SH3YL1: variants seen among roughly 807,000 people sequenced by gnomAD.
SH3YL1 encodes SH3 domain-containing YSC84-like protein 1.
SH3YL1 carries 41 observed loss-of-function variants against 45.8 expected under a neutral mutation model. That is an observed-to-expected ratio of 0.89 (90% CI 0.70 to 1.16). The LOEUF (loss-of-function observed/expected upper bound fraction) is 1.16. SH3YL1 is among the 50% of genes most tolerant of loss of function. The probability of loss-of-function intolerance (pLI) is 0.00; values close to 1 mark genes in which losing one functional copy is unlikely to be tolerated. For missense variants in SH3YL1, 389 were observed against 409.6 expected (o/e 0.95, Z 0.43); for synonymous variants, 152 against 151.4 (o/e 1.00, Z -0.03).
intron 9 of SH3YL1, among the ~76,000 whole-genome samples, chr2:219,557 C>T (rs1443965512): frequency 6.6e-6 from 1 of 152,116 alleles, no homozygotes; most frequent in Admixed American, 6.5e-5. Flanking sequence ...TGGAATCCAG[C>T]CTCCAGAAGC....
At chr2:255,735 A>G (rs1352023569) in intron 1 of SH3YL1, 1 of 152,246 alleles carries the variant, frequency 6.6e-6, no homozygotes, top group Non-Finnish European at 1.5e-5. Flanking sequence ...CCAGGAAAAA[A>G]ATCCATCCCA....
intron 4 of SH3YL1, among the ~76,000 whole-genome samples, chr2:246,064 G>A (rs749890382): frequency 2.0e-5 from 3 of 151,686 alleles, no homozygotes; most frequent in Admixed American, 1.3e-4. Flanking sequence ...GTGTGGTGGT[G>A]CACGCCTGTA....
chr2:254,353 T>TA (rs1669213938), intron 1 of SH3YL1, among the ~76,000 whole-genome samples: 1 of 152,180 alleles, frequency 6.6e-6, no homozygotes, highest in Admixed American at 6.5e-5. Context: ...ATCGAGAAGA[T>TA]AGACTATTCT....
At chr2:263,899 G>C in intron 1 of SH3YL1, 85 bp downstream of exon 1, 2 of 1,213,048 alleles carry the variant, frequency 1.6e-6, no homozygotes, top group Non-Finnish European at 2.4e-6. Flanking sequence ...AGGCATCGCC[G>C]GTTTTCCCGT....
chr2:260,924 G>T (rs1300004593), intron 1 of SH3YL1: 1 of 151,878 alleles, frequency 6.6e-6, no homozygotes, highest in Non-Finnish European at 1.5e-5. Context: ...AGAGCCATTG[G>T]ACTTGGGAAT....
chr2:254,583 A>G (rs1487872876), intron 1 of SH3YL1, among the ~76,000 whole-genome samples: 2 of 152,188 alleles, frequency 1.3e-5, no homozygotes, highest in African/African-American at 4.8e-5. Context: ...CGCTAATGGA[A>G]GCTTGCTTTT....
chr2:244,673 G>A (rs1319556124), intron 4 of SH3YL1: 1 of 152,118 alleles, frequency 6.6e-6, no homozygotes, highest in East Asian at 1.9e-4. Flanking sequence ...AACCCTGTGT[G>A]GTTACAGGTC....
chr2:229,585 C>A (rs986344163), intron 8 of SH3YL1, among the ~76,000 whole-genome samples: 1 of 151,252 alleles, frequency 6.6e-6, no homozygotes, highest in South Asian at 2.1e-4. Flanking sequence ...AAAAATTAGC[C>A]GGGCGTAGTG....
At chr2:226,682 C>G (rs991954430) in intron 8 of SH3YL1, among the ~76,000 whole-genome samples, 2 of 151,090 alleles carry the variant, frequency 1.3e-5, no homozygotes, top group African/African-American at 4.9e-5. Context: ...TGAAAATGGA[C>G]AGTGGGGAAT....
At chr2:227,837 A>G (rs1310117526) in intron 8 of SH3YL1, among the ~76,000 whole-genome samples, 7 of 152,096 alleles carry the variant, frequency 4.6e-5, no homozygotes, top group African/African-American at 1.7e-4. Flanking sequence ...AAGAAAAAAA[A>G]TACTGCCTTC....
At chr2:229,289 T>C (rs903549677) in intron 8 of SH3YL1, among the ~76,000 whole-genome samples, 1 of 152,212 alleles carries the variant, frequency 6.6e-6, no homozygotes, top group African/African-American at 2.4e-5. Context: ...AAAACTGATA[T>C]TCAGAATTAT....
chr2:257,465 A>G (rs1053729952), intron 1 of SH3YL1, among the ~76,000 whole-genome samples: 1 of 152,218 alleles, frequency 6.6e-6, no homozygotes, highest in African/African-American at 2.4e-5. Flanking sequence ...TAATATGTAG[A>G]CAAGATTGAG....
rs73146251 is a variant in SH3YL1, at chr2:242,860, T to A, written c.291+4678A>T. On this transcript the variant is annotated intron_variant, in intron 4 of 9. Transcript: ENST00000356150. ...CATGCAGATGGCAACCTAAGAAAGCTGGAGTGGCACTCTTTATATCAAACA... is the reference window on the plus strand; with the variant it reads ...CATGCAGATGGCAACCTAAGAAAGCAGGAGTGGCACTCTTTATATCAAACA... 634 of 1,511,348 alleles carry A rather than the reference T, an allele frequency of 4.2e-4. 2 individuals carry two copies. In the African/African-American group the frequency reaches 8.1e-3, roughly 19 times the overall value. 93.6% of individuals were successfully genotyped at this position (1,511,348 alleles called of 1,614,324 possible).
chr2:246,366 T>G (rs1303041895), intron 4 of SH3YL1, among the ~76,000 whole-genome samples: 5 of 152,304 alleles, frequency 3.3e-5, no homozygotes, highest in African/African-American at 1.2e-4. Flanking sequence ...AGAATTACCA[T>G]GGAAACTCTC....
intron 4 of SH3YL1, chr2:243,566 T>TA: frequency 6.8e-7 from 1 of 1,467,370 alleles, no homozygotes; most frequent in Admixed American, 2.4e-5. Flanking sequence ...AATGTGTCTA[T>TA]TAAAAAAAAA....
chr2:232,248 T>C (rs925974523), intron 6 of SH3YL1, among the ~76,000 whole-genome samples: 3 of 152,144 alleles, frequency 2.0e-5, no homozygotes, highest in African/African-American at 7.2e-5. Flanking sequence ...CTTTTTTTTT[T>C]TTTAAATCAA....
chr2:264,365 C>A (rs1322201304), upstream of SH3YL1: 6 of 235,054 alleles, frequency 2.6e-5, no homozygotes, highest in Non-Finnish European at 2.5e-5. Context: ...CCCCTCTATG[C>A]GAACTCGAAC....
intron 8 of SH3YL1, among the ~76,000 whole-genome samples, chr2:227,399 A>G (rs1399999401): frequency 1.3e-5 from 2 of 152,190 alleles, no homozygotes; most frequent in Non-Finnish European, 2.9e-5. Flanking sequence ...TGGCATGGAA[A>G]AAAATCTGAA....
chr2:233,093 G>A lies in SH3YL1; in HGVS notation c.533+8C>T, dbSNP rs771844585. 17 of 1,549,706 alleles carry A rather than the reference G, an allele frequency of 1.1e-5. No individual in the cohort carries two copies. Among genetic ancestry groups the A allele is most frequent in the Non-Finnish European group, 1.4e-5 (16 of 1,146,572 alleles). ...CTTTCAATTAAAATCACTTTAACTT[G>A]AACTGACTTTCTATTAGTTTCTTTC... On this transcript the variant is annotated splice_region_variant and intron_variant, in intron 6 of 9. Transcript: ENST00000356150.
Sources: allele counts gnomAD v4.1 joint callset (sites outside exome capture counted in the v4.1 genomes callset), GRCh38; gene constraint gnomAD v4.1.1; transcripts MANE v1.5; gene names NCBI Gene and HGNC (gene_info 2026-07-23, HGNC 2026-07-21).